The following RHO variants were observed in gnomAD, a reference collection of about 807,000 sequenced individuals.
RHO encodes the protein opsin 2, rod pigment.
In RHO, 21 loss-of-function variants were observed where a neutral mutation model predicts 31.2. That is an observed-to-expected ratio of 0.67 (90% CI 0.48 to 0.97). The LOEUF (loss-of-function observed/expected upper bound fraction) is 0.97, where lower values mean the gene tolerates loss of function less well. Among genes scored for constraint, RHO ranks in the 50% least tolerant of loss-of-function variants. RHO has a pLI of 0.00. For missense variants in RHO, 414 were observed against 479.5 expected (o/e 0.86, Z 1.28); for synonymous variants, 211 against 196.6 (o/e 1.07, Z -0.61).
At chr3:129,530,589 AG>A (rs1205155690) in intron 1 of RHO, among the ~76,000 whole-genome samples, 5 of 144,252 alleles carry the variant, frequency 3.5e-5, no homozygotes, top group Non-Finnish European at 5.9e-5. Flanking sequence ...CCGGGTTCCC[AG>A]TTCAATCCTG....
chr3:129,532,690 C>A lies in RHO; in HGVS notation c.854C>A (p.Pro285His), dbSNP rs1560047082. 6.2e-7 allele frequency: 1 copy of A among 1,614,250 alleles called. No individual in the cohort carries two copies. Among genetic ancestry groups the A allele is most frequent in the Admixed American group, 1.7e-5 (1 of 60,028 alleles). ...IFTHQGSNFG[P>H]IFMTIPAFFA... Reference sequence around the variant, plus strand: ...ACCCACCAGGGCTCCAACTTCGGTCCCATCTTCATGACCATCCCAGCGTTC... The same window carrying A: ...ACCCACCAGGGCTCCAACTTCGGTCACATCTTCATGACCATCCCAGCGTTC... Residue 285 changes from proline (P) to histidine (H), a missense_variant, in exon 4 of 5, where the codon CCC becomes CAC. Transcript: ENST00000296271. This position sits in a 1 kb window ranked among gnomAD's most constrained non-coding sequence, Gnocchi z 5.5.
Position 129,534,270 on chromosome 3 carries a change from A to G in RHO, c.*552A>G, listed in dbSNP as rs1311742715. 3.8e-5 allele frequency: 6 copies of G among 158,970 alleles called. No individual in the cohort carries two copies. Among genetic ancestry groups the G allele is most frequent in the African/African-American group, 1.4e-4 (6 of 41,484 alleles). The allele number at this position is 158,970 out of a possible 1,614,324, so 9.8% of individuals were successfully genotyped here. On this transcript the variant is annotated 3_prime_UTR_variant, in exon 5 of 5. Transcript: ENST00000296271. Reference sequence around the variant, plus strand: ...AAATCCCAGATCCCTGGTCCTGCCGACACGCAGCTACTGAGAAGACCAAAA... The same window carrying G: ...AAATCCCAGATCCCTGGTCCTGCCGGCACGCAGCTACTGAGAAGACCAAAA...
chr3:129,532,432 T>C lies in RHO; in HGVS notation c.696+16T>C. 1 of 1,612,944 alleles carries C rather than the reference T, an allele frequency of 6.2e-7. No individual in the cohort carries two copies. The highest frequency in any genetic ancestry group is 8.5e-7 in the Non-Finnish European group (1 of 1,179,764). On this transcript the variant is annotated intron_variant, in intron 3 of 4. Coordinates refer to ENST00000296271, the MANE Select transcript of RHO (RefSeq NM_000539.3). This position sits in a 1 kb window ranked among gnomAD's most constrained non-coding sequence, Gnocchi z 5.5. ...CGTCAAGGAGGTACGGGCCGGGGGG[T>C]GGGCGGCCTCACGGCTCTGAGGGTC...
chr3:129,532,503 T>C lies in RHO; in HGVS notation c.697-30T>C, dbSNP rs772086479. The C allele has an allele frequency of 3.1e-6, 5 of 1,613,896 alleles. No individual in the cohort carries two copies. In the Admixed American group the frequency reaches 5.0e-5, roughly 16 times the overall value. On this transcript the variant is annotated intron_variant, in intron 3 of 4. Transcript: ENST00000296271. The surrounding 1 kb of genome is among the most constrained non-coding windows in gnomAD (Gnocchi z 5.5). ...CGGCTCCTGCTCCCTGGAGGAGCCA[T>C]GGTCTGGACCCGGGTCCCGTGTCCT...
At chr3:129,529,241 A>C in intron 1 of RHO, 147 bp downstream of exon 1, 1 of 1,063,864 alleles carries the variant, frequency 9.4e-7, no homozygotes, top group Non-Finnish European at 1.3e-6. Flanking sequence ...TATTCAGTCA[A>C]CAAACACCAT....
rs78163008 is a variant in RHO at position 129,534,206 on chromosome 3, T to C, written c.*488T>C. 1,578 of 160,484 alleles carry C rather than the reference T, an allele frequency of 9.8e-3. 36 individuals carry two copies. Among genetic ancestry groups the C allele is most frequent in the African/African-American group, 0.035 (1,458 of 41,598 alleles). The allele number at this position is 160,484 out of a possible 1,614,324, so 9.9% of individuals were successfully genotyped here. A position where few individuals can be genotyped will look rare whatever the true frequency, so the allele number is the denominator to read the frequency against. ...GGCTAATGATATGGAGCAGTTGTTT[T>C]TCCCTCCCTGGGCCTCACTTTCTTC... On this transcript the variant is annotated 3_prime_UTR_variant, in exon 5 of 5. Coordinates refer to ENST00000296271, the MANE Select transcript of RHO (RefSeq NM_000539.3).
rs1415160298 is a variant in RHO, at chr3:129,529,058, G to A, written c.325G>A (p.Gly109Arg). ...LHGYFVFGPT[G>R]CNLEGFFATL... ...TGGATACTTCGTCTTCGGGCCCACA[G>A]GATGCAATTTGGAGGGCTTCTTTGC... Residue 109 changes from glycine to arginine, a missense_variant, in exon 1 of 5, where the codon GGA becomes AGA. Coordinates refer to ENST00000296271, the MANE Select transcript of RHO (RefSeq NM_000539.3). 1 of 1,613,420 alleles carries A rather than the reference G, an allele frequency of 6.2e-7. No individual in the cohort carries two copies. Among genetic ancestry groups the A allele is most frequent in the Non-Finnish European group, 8.5e-7 (1 of 1,179,502 alleles).
chr3:129,533,772 T>TC lies in RHO; in HGVS notation c.*59dup. 8.2e-7 allele frequency: 1 copy of TC among 1,214,536 alleles called. No homozygotes were observed. The highest frequency in any genetic ancestry group is 1.2e-6 in the Non-Finnish European group (1 of 819,406). The allele number at this position is 1,214,536 out of a possible 1,614,324, so 75.2% of individuals were successfully genotyped here. A position where few individuals can be genotyped will look rare whatever the true frequency, so the allele number is the denominator to read the frequency against. ...TAGGCGTCTCCCATCCCCTACACCTTCCCCCAGCCACAGCCATCCCACCAG... is the reference window on the plus strand; with the variant it reads ...TAGGCGTCTCCCATCCCCTACACCTTCCCCCCAGCCACAGCCATCCCACCAG... On this transcript the variant is annotated 3_prime_UTR_variant, in exon 5 of 5. Transcript: ENST00000296271.
At chr3:129,530,696 G>A (rs969508648) in intron 1 of RHO, among the ~76,000 whole-genome samples, 180 bp from the exon 2 acceptor site, 19 of 152,098 alleles carry the variant, frequency 1.2e-4, no homozygotes, top group African/African-American at 4.6e-4. Context: ...TCTCCTCAGC[G>A]TGTGGTCCCT....
chr3:129,532,341 G>T lies in RHO; in HGVS notation c.621G>T (p.Met207Ile). Residue 207 changes from methionine (M) to isoleucine (I), a missense_variant, in exon 3 of 5, where the codon ATG becomes ATT. Coordinates refer to ENST00000296271, the MANE Select transcript of RHO (RefSeq NM_000539.3). This position sits in a 1 kb window ranked among gnomAD's most constrained non-coding sequence, Gnocchi z 5.5. ...ACAACGAGTCTTTTGTCATCTACAT[G>T]TTCGTGGTCCACTTCACCATCCCCA... ...EVNNESFVIYMFVVHFTIPMI... is the reference protein window; with the variant it reads ...EVNNESFVIYIFVVHFTIPMI... 6.2e-7 allele frequency: 1 copy of T among 1,613,944 alleles called. No individual in the cohort carries two copies. The highest frequency in any genetic ancestry group is 1.1e-5 in the South Asian group (1 of 91,082).
intron 2 of RHO, 40 bp downstream of exon 2, chr3:129,531,084 C>G (rs1463878766): frequency 1.2e-6 from 2 of 1,604,834 alleles, no homozygotes; most frequent in South Asian, 2.2e-5. Context: ...TCCGGGGGCT[C>G]TTTGTAGGGT....
intron 1 of RHO, among the ~76,000 whole-genome samples, chr3:129,529,700 G>T (rs529338772): frequency 2.0e-5 from 3 of 152,338 alleles, no homozygotes; most frequent in South Asian, 2.1e-4. Flanking sequence ...TCCCTGCCGC[G>T]TTCCAAGTCT....
rs778170529 is a variant in RHO at position 129,532,314 on chromosome 3, C to G, written c.594C>G (p.Val198=). The part of the protein sequence containing the change: ...GIDYYTLKPE[V]NNESFVIYMF... ...ACTACTACACGCTCAAGCCGGAGGTCAACAACGAGTCTTTTGTCATCTACA... is the reference window on the plus strand; with the variant it reads ...ACTACTACACGCTCAAGCCGGAGGTGAACAACGAGTCTTTTGTCATCTACA... The change falls in exon 3 of 5, where the codon GTC becomes GTG. Residue 198 remains valine, a synonymous_variant. Coordinates refer to ENST00000296271, the MANE Select transcript of RHO (RefSeq NM_000539.3). This position sits in a 1 kb window ranked among gnomAD's most constrained non-coding sequence, Gnocchi z 5.5. The G allele has an allele frequency of 1.3e-5, 21 of 1,613,912 alleles. No homozygotes were observed. In the East Asian group the frequency reaches 3.8e-4, roughly 29 times the overall value.
At chr3:129,530,418 G>A (rs2084769761) in intron 1 of RHO, among the ~76,000 whole-genome samples, 1 of 151,830 alleles carries the variant, frequency 6.6e-6, no homozygotes, top group Non-Finnish European at 1.5e-5. Flanking sequence ...GGAGAGGGAG[G>A]AAGGACTGCC....
In RHO at chr3:129,532,463, C is replaced by A; in HGVS notation, c.696+47C>A. On this transcript the variant is annotated intron_variant, in intron 3 of 4. Coordinates refer to ENST00000296271, the MANE Select transcript of RHO (RefSeq NM_000539.3). The surrounding 1 kb of genome is among the most constrained non-coding windows in gnomAD (Gnocchi z 5.5). ...GCCTCACGGCTCTGAGGGTCCAGCC[C>A]CCAGCATGCATCTGCGGCTCCTGCT... is the stretch of plus-strand genomic sequence containing the variant. 6.2e-7 allele frequency: 1 copy of A among 1,613,850 alleles called. No individual in the cohort carries two copies. Among genetic ancestry groups the A allele is most frequent in the Non-Finnish European group, 8.5e-7 (1 of 1,180,010 alleles).
chr3:129,533,774 C>G lies in RHO; in HGVS notation c.*56C>G. 8.4e-7 allele frequency: 1 copy of G among 1,197,592 alleles called. No individual in the cohort carries two copies. Among genetic ancestry groups the G allele is most frequent in the Non-Finnish European group, 1.2e-6 (1 of 801,724 alleles). The allele number at this position is 1,197,592 out of a possible 1,614,324, so 74.2% of individuals were successfully genotyped here. A position where few individuals can be genotyped will look rare whatever the true frequency, so the allele number is the denominator to read the frequency against. Reference sequence around the variant, plus strand: ...GGCGTCTCCCATCCCCTACACCTTCCCCCAGCCACAGCCATCCCACCAGGA... The same window carrying G: ...GGCGTCTCCCATCCCCTACACCTTCGCCCAGCCACAGCCATCCCACCAGGA... On this transcript the variant is annotated 3_prime_UTR_variant, in exon 5 of 5. Transcript: ENST00000296271.
rs780060597 is a variant in RHO at position 129,529,131 on chromosome 3, G to A, written c.361+37G>A. On this transcript the variant is annotated intron_variant, in intron 1 of 4. Transcript: ENST00000296271. Reference sequence around the variant, plus strand: ...GTGTGGGTGGGGTGTGCAGGAGCCCGGGAGCATGGAGGGGTCTGGGAGAGT... The same window carrying A: ...GTGTGGGTGGGGTGTGCAGGAGCCCAGGAGCATGGAGGGGTCTGGGAGAGT... 54 of 1,597,030 alleles carry A rather than the reference G, an allele frequency of 3.4e-5. No homozygotes were observed. The East Asian group carries it at 4.7e-4, about 14-fold the overall frequency.
chr3:129,532,193 C>T lies in RHO; in HGVS notation c.531-58C>T. ...CCAGAAAGGGCCAGCGCTCGGCAGCCACCTTGGCTGTTCCCAAGTCCCTCA... is the reference window on the plus strand; with the variant it reads ...CCAGAAAGGGCCAGCGCTCGGCAGCTACCTTGGCTGTTCCCAAGTCCCTCA... On this transcript the variant is annotated intron_variant, in intron 2 of 4. Coordinates refer to ENST00000296271, the MANE Select transcript of RHO (RefSeq NM_000539.3). The surrounding 1 kb of genome is among the most constrained non-coding windows in gnomAD (Gnocchi z 5.5). The T allele has an allele frequency of 6.8e-7, 1 of 1,478,624 alleles. No individual in the cohort carries two copies. The highest frequency in any genetic ancestry group is 1.4e-5 in the African/African-American group (1 of 72,276). 91.6% of individuals were successfully genotyped at this position (1,478,624 alleles called of 1,614,324 possible).
Position 129,532,789 on chromosome 3 carries a change from G to T in RHO, c.936+17G>T, listed in dbSNP as rs200076128. 156 of 1,613,638 alleles carry T rather than the reference G, an allele frequency of 9.7e-5. 1 individual carries two copies. In the East Asian group the frequency reaches 3.4e-3, roughly 35 times the overall value. On this transcript the variant is annotated intron_variant, in intron 4 of 4. Coordinates refer to ENST00000296271, the MANE Select transcript of RHO (RefSeq NM_000539.3). This position sits in a 1 kb window ranked among gnomAD's most constrained non-coding sequence, Gnocchi z 5.5. Reference sequence around the variant, plus strand: ...AACAAGCAGGTGCCTACTGCGGGTGGGAGGGCCCCAGTGCCCCAGGCCACA... The same window carrying T: ...AACAAGCAGGTGCCTACTGCGGGTGTGAGGGCCCCAGTGCCCCAGGCCACA...
Sources: allele counts gnomAD v4.1 joint callset (sites outside exome capture counted in the v4.1 genomes callset), GRCh38; gene constraint gnomAD v4.1.1; non-coding constraint Gnocchi (gnomAD v3.1); transcripts MANE v1.5; gene names NCBI Gene and HGNC (gene_info 2026-07-23, HGNC 2026-07-21).